ATP11C: variants seen among roughly 807,000 people sequenced by gnomAD.
The protein encoded by ATP11C is phospholipid-transporting ATPase IG.
Under a neutral mutation model 97.4 loss-of-function variants are expected in ATP11C, and 36 were observed. The ratio of observed to expected loss-of-function variants is 0.37; its 90% confidence interval spans 0.28 to 0.49. The LOEUF (loss-of-function observed/expected upper bound fraction) is 0.49, where lower values mean the gene tolerates loss of function less well. Ranked by LOEUF, ATP11C falls within the 20% of genes least tolerant of loss-of-function variation. The probability of loss-of-function intolerance (pLI) is 0.98; values close to 1 mark genes in which losing one functional copy is unlikely to be tolerated. For synonymous variants in ATP11C, 275 were observed against 290.9 expected (o/e 0.95, Z 0.56); for missense variants, 730 against 824.6 (o/e 0.89, Z 1.40).
At chrX:139,746,018 T>C (rs1176248253) in intron 24 of ATP11C, among the ~76,000 whole-genome samples, 161 bp from the exon 25 acceptor site, 1 of 112,174 alleles carries the variant, frequency 8.9e-6, no homozygotes, top group Non-Finnish European at 1.9e-5. Context: ...AGCCAAAGGC[T>C]GACCTTCATG....
intron 1 of ATP11C, among the ~76,000 whole-genome samples, chrX:139,903,816 G>A (rs1488234443): frequency 9.1e-6 from 1 of 110,405 alleles, no homozygotes; most frequent in Non-Finnish European, 1.9e-5. Flanking sequence ...CCAGTCTGTG[G>A]TATTCTGTTA....
intron 23 of ATP11C, among the ~76,000 whole-genome samples, chrX:139,756,694 C>G (rs1490320865): frequency 4.5e-5 from 5 of 111,026 alleles, no homozygotes; most frequent in African/African-American, 1.6e-4. Flanking sequence ...TGGAAGCCAT[C>G]ATCCTAAGCA....
At chrX:139,909,322 C>T (rs943436420) in intron 1 of ATP11C, among the ~76,000 whole-genome samples, 2 of 110,520 alleles carry the variant, frequency 1.8e-5, no homozygotes, top group African/African-American at 6.6e-5. Flanking sequence ...TTAGTAAAGA[C>T]GGGCTTCATC....
chrX:139,833,530 AT>A (rs530882121), intron 1 of ATP11C, among the ~76,000 whole-genome samples: 1,702 of 110,089 alleles, frequency 0.015, 17 homozygotes, highest in South Asian at 0.025. Flanking sequence ...CGAAAAAAAA[AT>A]TTTTTTTAAT....
At chrX:139,869,619 TAAAAAAA>T (rs72160192) in intron 1 of ATP11C, among the ~76,000 whole-genome samples, 5 of 54,185 alleles carry the variant, frequency 9.2e-5, no homozygotes, top group African/African-American at 1.3e-4. Flanking sequence ...CCCTCTCTAC[TAAAAAAA>T]AAAAAAAAAA....
At chrX:139,892,727 T>G (rs1004398170) in intron 1 of ATP11C, among the ~76,000 whole-genome samples, 1 of 111,660 alleles carries the variant, frequency 9.0e-6, no homozygotes, top group Non-Finnish European at 1.9e-5. Flanking sequence ...AAAGTCAGAA[T>G]GATACTAGCA....
At chrX:139,912,066 T>C (rs1034070721) in intron 1 of ATP11C, among the ~76,000 whole-genome samples, 3 of 105,545 alleles carry the variant, frequency 2.8e-5, no homozygotes, top group Non-Finnish European at 3.9e-5. Context: ...TCTCAGCTAG[T>C]TGGGAGGCTG....
intron 1 of ATP11C, among the ~76,000 whole-genome samples, chrX:139,857,791 T>TAA (rs34921889): frequency 9.8e-6 from 1 of 101,648 alleles, no homozygotes. Flanking sequence ...ATTTTTAAAT[T>TAA]AAAAAAAAAA....
intron 24 of ATP11C, among the ~76,000 whole-genome samples, chrX:139,746,979 T>A (rs1014974598): frequency 8.9e-6 from 1 of 111,790 alleles, no homozygotes; most frequent in Non-Finnish European, 1.9e-5. Context: ...TATTGGGTAC[T>A]GTGGGGCTTC....
intron 5 of ATP11C, among the ~76,000 whole-genome samples, chrX:139,806,755 C>T (rs2083052484): frequency 9.0e-6 from 1 of 111,489 alleles, no homozygotes; most frequent in South Asian, 3.8e-4. Flanking sequence ...CTGGCACGGG[C>T]ATACAGGTGG....
intron 3 of ATP11C, among the ~76,000 whole-genome samples, chrX:139,817,277 A>G (rs1322635521): frequency 8.9e-6 from 1 of 112,628 alleles, no homozygotes; most frequent in Non-Finnish European, 1.9e-5. Flanking sequence ...CAAGATGGAG[A>G]CAAGTCCCTG....
At chrX:139,741,389 G>A (rs1467853593) in intron 26 of ATP11C, among the ~76,000 whole-genome samples, 5 of 111,000 alleles carry the variant, frequency 4.5e-5, no homozygotes, top group African/African-American at 1.6e-4. Context: ...GGCAAGGAAT[G>A]AAGTAATGGT....
At chrX:139,754,093 G>GA (rs973871608) in intron 23 of ATP11C, among the ~76,000 whole-genome samples, 4 of 110,005 alleles carry the variant, frequency 3.6e-5, no homozygotes, top group African/African-American at 1.3e-4. Flanking sequence ...GACTAATACA[G>GA]AAAAAAAAGA....
rs773964893 is a variant in ATP11C at position 139,801,936 on chromosome X, G to C, written c.659+300C>G. Among the ~76,000 whole-genome samples the C allele has an allele frequency of 4.5e-5, 5 of 111,758 alleles. No homozygotes were observed. In the Admixed American group the frequency reaches 4.8e-4, roughly 11 times the overall value. On this transcript the variant is annotated intron_variant, in intron 7 of 29. Coordinates refer to ENST00000682941, the MANE Select transcript of ATP11C (RefSeq NM_001353812.2). ...TTTTTTATTTAATTAACTGGTTACT[G>C]CATCAGTCTGATAGATCAGCCTTAC...
At chrX:139,933,486 G>A (rs2085480476), upstream of ATP11C, among the ~76,000 whole-genome samples, 1 of 112,569 alleles carries the variant, frequency 8.9e-6, no homozygotes, top group East Asian at 2.8e-4. Context: ...AAAGAAAAGC[G>A]AGTCCAGAAT....
intron 2 of ATP11C, 25 bp from the exon 3 acceptor site, chrX:139,819,452 C>A (rs1453847210): frequency 1.2e-6 from 1 of 816,777 alleles, no homozygotes. Flanking sequence ...GAAAAAAGAA[C>A]ACTGTTATGA....
intron 1 of ATP11C, among the ~76,000 whole-genome samples, chrX:139,849,648 C>T (rs2083959637): frequency 8.9e-6 from 1 of 112,313 alleles, no homozygotes; most frequent in Non-Finnish European, 1.9e-5. Flanking sequence ...ACTCCCATAA[C>T]TCTAACTTGC....
intron 1 of ATP11C, among the ~76,000 whole-genome samples, chrX:139,881,896 C>T (rs189350345): frequency 1.3e-4 from 15 of 112,245 alleles, no homozygotes; most frequent in Admixed American, 1.0e-3. Flanking sequence ...CAGGAAGACA[C>T]TCCTTTCCCC....
chrX:139,811,132 T>A (rs939461955), intron 5 of ATP11C, among the ~76,000 whole-genome samples: 2 of 111,366 alleles, frequency 1.8e-5, no homozygotes, highest in Non-Finnish European at 3.8e-5. Context: ...TTGAGAGGTG[T>A]CTTACTATAT....
Sources: gnomAD v4.1 joint callset for allele counts (sites outside exome capture counted in the v4.1 genomes callset) on GRCh38, gnomAD v4.1.1 for gene constraint, MANE v1.5 for transcripts, NCBI Gene and HGNC (gene_info 2026-07-23, HGNC 2026-07-21) for gene names.